AKAP12: variants seen among roughly 807,000 people sequenced by gnomAD.
The protein encoded by AKAP12 is A-kinase anchor protein 12.
In AKAP12, 32 loss-of-function variants were observed where a neutral mutation model predicts 79.9. The ratio of observed to expected loss-of-function variants is 0.40; its 90% CI spans 0.30 to 0.54. AKAP12 has a LOEUF of 0.54. Ranked by LOEUF, AKAP12 falls within the 20% of genes least tolerant of loss-of-function variation. AKAP12 has a pLI of 0.48. For missense variants in AKAP12, 2,074 were observed against 2,177.0 expected (o/e 0.95, Z 0.94); for synonymous variants, 808 against 857.0 (o/e 0.94, Z 1.00).
At chr6:151,295,356 A>G (rs1395028494) in intron 2 of AKAP12, among the ~76,000 whole-genome samples, 1 of 152,188 alleles carries the variant, frequency 6.6e-6, no homozygotes, top group East Asian at 1.9e-4. Context: ...ATGTCTAAAG[A>G]TGAGTTTGGG....
chr6:151,322,091 G>C (rs1030776768), intron 3 of AKAP12, among the ~76,000 whole-genome samples: 4 of 151,646 alleles, frequency 2.6e-5, no homozygotes, highest in Admixed American at 2.0e-4. Context: ...TGTATTTTTA[G>C]TAGAGACGGG....
intron 3 of AKAP12, among the ~76,000 whole-genome samples, chr6:151,338,546 C>G (rs1367505799): frequency 6.6e-6 from 1 of 151,880 alleles, no homozygotes; most frequent in East Asian, 1.9e-4. Flanking sequence ...ACCTCCGCCT[C>G]CCGGGTTTAA....
intron 2 of AKAP12, among the ~76,000 whole-genome samples, chr6:151,261,795 T>G (rs1797444437): frequency 6.6e-6 from 1 of 150,498 alleles, no homozygotes; most frequent in African/African-American, 2.4e-5. Flanking sequence ...TTCACTCTTG[T>G]TCCCCAGGGT....
At position 151,321,948 on chromosome 6, in the gene AKAP12, G is replaced by A. The variant is rs189991461; in HGVS notation, c.319+16045G>A. 1.8e-3 allele frequency among the ~76,000 whole-genome samples: 233 copies of A among 127,402 alleles called. 4 individuals carry two copies. Among genetic ancestry groups the A allele is most frequent in the South Asian group, 2.8e-3 (11 of 3,946 alleles). The allele number at this position is 127,402 out of a possible 152,430, so 83.6% of individuals were successfully genotyped here. ...TTTTTTGACACAGTCTCACTTTGTC[G>A]CCCAGGCTGGAGTGCAGTGGTGCGA... is the stretch of plus-strand genomic sequence containing the variant. On this transcript the variant is annotated intron_variant, in intron 3 of 4. Coordinates refer to ENST00000402676, the MANE Select transcript of AKAP12 (RefSeq NM_005100.4).
At chr6:151,315,053 A>AG (rs896536933) in intron 3 of AKAP12, among the ~76,000 whole-genome samples, 1 of 136,862 alleles carries the variant, frequency 7.3e-6, no homozygotes, top group Non-Finnish European at 1.6e-5. Flanking sequence ...CTCTGTCTCA[A>AG]GAAAAAAAAA....
intron 2 of AKAP12, among the ~76,000 whole-genome samples, chr6:151,248,797 G>T (rs1797122567): frequency 6.6e-6 from 1 of 152,094 alleles, no homozygotes; most frequent in Non-Finnish European, 1.5e-5. Flanking sequence ...AGACCAGCCT[G>T]GCCAACATGG....
chr6:151,243,180 C>CA (rs1582827083), intron 2 of AKAP12, among the ~76,000 whole-genome samples: 1 of 152,306 alleles, frequency 6.6e-6, no homozygotes, highest in East Asian at 1.9e-4. Flanking sequence ...GCATATGGCT[C>CA]AAATGAGTCC....
chr6:151,341,603 GGC>G, intron 3 of AKAP12: 2 of 730,628 alleles, frequency 2.7e-6, no homozygotes, highest in Non-Finnish European at 3.5e-6. Context: ...AGCCGGCAGG[GGC>G]GCGCTGGGCC....
intron 2 of AKAP12, among the ~76,000 whole-genome samples, chr6:151,288,900 G>A (rs535363129): frequency 1.8e-4 from 27 of 152,184 alleles, no homozygotes; most frequent in Non-Finnish European, 2.5e-4. Context: ...GCCCTGTAGC[G>A]GCTGGCAGCT....
chr6:151,335,895 C>T (rs1385990814), intron 3 of AKAP12, among the ~76,000 whole-genome samples: 2 of 152,188 alleles, frequency 1.3e-5, no homozygotes, highest in Non-Finnish European at 2.9e-5. Flanking sequence ...GTACTCAATA[C>T]TATTTTTCAA....
In AKAP12 at chr6:151,349,503, C is replaced by G; in HGVS notation, c.1112C>G (p.Ser371Ter). 6.2e-7 allele frequency: 1 copy of G among 1,609,672 alleles called. No homozygotes were observed. Among genetic ancestry groups the G allele is most frequent in the South Asian group, 1.1e-5 (1 of 90,886 alleles). Residue 371 changes from serine (S) to a stop codon, truncating the protein, a stop_gained, in exon 4 of 5, where the codon TCA becomes TGA. Coordinates refer to ENST00000402676, the MANE Select transcript of AKAP12 (RefSeq NM_005100.4). LOFTEE classifies it high-confidence loss of function. The part of the protein sequence containing the change: ...PAESAHEPRL[S>*]AEYEKVELPS... ...GAAAGTGCCCACGAGCCCCGGTTAT[C>G]AGCTGAATATGAGAAAGTTGAGCTG...
At chr6:151,247,010 C>G (rs1797087723) in intron 2 of AKAP12, among the ~76,000 whole-genome samples, 2 of 152,122 alleles carry the variant, frequency 1.3e-5, no homozygotes, top group Non-Finnish European at 2.9e-5. Flanking sequence ...CCAGGCTGGT[C>G]TGGACCTCCT....
At chr6:151,305,699 G>A (rs1158972648) in intron 2 of AKAP12, 48 bp from the exon 3 acceptor site, 1 of 1,541,338 alleles carries the variant, frequency 6.5e-7, no homozygotes, top group African/African-American at 1.4e-5. Flanking sequence ...TTTCTGACTT[G>A]GTCATGAGGA....
chr6:151,351,439 A>G lies in AKAP12; in HGVS notation c.3048A>G (p.Thr1016=). ...AGTTAACCGACTCCCCAGACACCACAGAGGAGGCCACTCCGGTGCAGGAGG... is the reference window on the plus strand; with the variant it reads ...AGTTAACCGACTCCCCAGACACCACGGAGGAGGCCACTCCGGTGCAGGAGG... ...VSQLTDSPDT[T]EEATPVQEVE... The change falls in exon 4 of 5, where the codon ACA becomes ACG. Residue 1016 remains threonine (T), a synonymous_variant. Coordinates refer to ENST00000402676, the MANE Select transcript of AKAP12 (RefSeq NM_005100.4). The surrounding 1 kb of genome is among the most constrained non-coding windows in gnomAD (Gnocchi z 4.4). 6.2e-7 allele frequency: 1 copy of G among 1,614,214 alleles called. No individual in the cohort carries two copies. The highest frequency in any genetic ancestry group is 1.1e-5 in the South Asian group (1 of 91,086).
rs1275872888 is a variant in AKAP12, at chr6:151,240,401, G to T, written c.-162G>T. 2 of 647,512 alleles carry T rather than the reference G, an allele frequency of 3.1e-6. No individual in the cohort carries two copies. The highest frequency in any genetic ancestry group is 2.2e-6 in the Non-Finnish European group (1 of 446,920). 40.1% of individuals were successfully genotyped at this position (647,512 alleles called of 1,614,324 possible). ...CTTTTAAGGAGTTTGCCGCGAGCGC[G>T]TCTCCTTCATTCGCAGGCTGGGCGC... On this transcript the variant is annotated 5_prime_UTR_variant, in exon 2 of 5. Transcript: ENST00000402676.
intron 3 of AKAP12, among the ~76,000 whole-genome samples, chr6:151,345,234 C>T (rs1771227606): frequency 6.6e-6 from 1 of 151,718 alleles, no homozygotes; most frequent in Non-Finnish European, 1.5e-5. Flanking sequence ...TGCCACCACG[C>T]CTGGCTAATT....
Position 151,337,916 on chromosome 6 carries a change from AG to A in AKAP12, c.320-10794del, listed in dbSNP as rs767922752. 2.0e-5 allele frequency among the ~76,000 whole-genome samples: 3 copies of A among 152,168 alleles called. No individual in the cohort carries two copies. The South Asian group carries it at 6.2e-4, about 31-fold the overall frequency. ...CCAGGAGTTGGTGGCTCACACCTGT[AG>A]TCCCAGCTACTCGGGAGGCTGAGGC... On this transcript the variant is annotated intron_variant, in intron 3 of 4. Coordinates refer to ENST00000402676, the MANE Select transcript of AKAP12 (RefSeq NM_005100.4).
At chr6:151,322,821 G>A (rs1209379642) in intron 3 of AKAP12, among the ~76,000 whole-genome samples, 2 of 152,170 alleles carry the variant, frequency 1.3e-5, no homozygotes. Context: ...TAGATCCCTG[G>A]GTGTTTTGCG....
At position 151,351,273 on chromosome 6, in the gene AKAP12, G is replaced by A. The variant is rs1160947598; in HGVS notation, c.2882G>A (p.Arg961Gln). The A allele has an allele frequency of 7.4e-6, 12 of 1,614,214 alleles. No homozygotes were observed. Among genetic ancestry groups the A allele is most frequent in the South Asian group, 1.1e-5 (1 of 91,084 alleles). The stretch of plus-strand genomic sequence containing the variant: ...CCTCTGCCAGAGAACAGAGAGGCCC[G>A]GGGCGACACGGTCGTTAGTGAGGCG... The part of the protein sequence containing the change: ...TEPLPENREA[R>Q]GDTVVSEAEL... Residue 961 changes from arginine (R) to glutamine (Q), a missense_variant, in exon 4 of 5, where the codon CGG becomes CAG. Around this residue, in one of 3 missense-constraint regions of AKAP12, gnomAD observed 1,428 missense variants for 1,451.0 expected, o/e 0.98. Transcript: ENST00000402676. The surrounding 1 kb of genome is among the most constrained non-coding windows in gnomAD (Gnocchi z 4.4).
Sources: allele counts gnomAD v4.1 joint callset (sites outside exome capture counted in the v4.1 genomes callset), GRCh38; gene constraint gnomAD v4.1.1; regional missense constraint gnomAD v4.1.1; non-coding constraint Gnocchi (gnomAD v3.1); transcripts MANE v1.5; gene names NCBI Gene and HGNC (gene_info 2026-07-23, HGNC 2026-07-21).